The following SERPINB11 variants were observed in gnomAD, a reference collection of about 807,000 sequenced individuals.
SERPINB11 encodes serpin family B member 11.
A neutral mutation model predicts 36.7 loss-of-function variants in SERPINB11; 32 were observed. The observed-to-expected ratio is 0.87, with a 90% CI of 0.66 to 1.17. The LOEUF (loss-of-function observed/expected upper bound fraction) is 1.17. SERPINB11 is among the 50% of genes most tolerant of loss of function. The pLI, the probability that SERPINB11 is intolerant of heterozygous loss-of-function variation, is 0.00. For missense variants in SERPINB11, 528 were observed against 458.4 expected, an observed-to-expected ratio of 1.15 and a Z score of -1.39; for synonymous variants, 174 against 168.1, an observed-to-expected ratio of 1.04 and a Z score of -0.27.
intron 5 of SERPINB11, among the ~76,000 whole-genome samples, chr18:63,717,496 T>C (rs905318167): frequency 6.6e-6 from 1 of 152,062 alleles, no homozygotes; most frequent in Non-Finnish European, 1.5e-5. Context: ...AAACAAGAAA[T>C]GAGAATTTCA....
Position 63,720,919 on chromosome 18 carries a change from T to C in SERPINB11, c.707T>C (p.Leu236Pro). The C allele has an allele frequency of 6.2e-7, 1 of 1,606,862 alleles. No homozygotes were observed. The highest frequency in any genetic ancestry group is 8.5e-7 in the Non-Finnish European group (1 of 1,176,642). The change falls in exon 7 of 8, where the codon CTG becomes CCG. Residue 236 changes from leucine to proline, a missense_variant. Physicochemically the swap from Leu to Pro is moderately conservative, Grantham distance 98 (BLOSUM62 -3). Transcript: ENST00000544088. ...VKEPQMQVLE[L>P]PYVNNKLSMI... ...GAGCCGCAGATGCAAGTTCTTGAGC[T>C]GCCCTACGTTAACAACAAATTAAGC... is the stretch of plus-strand genomic sequence containing the variant.
chr18:63,712,632 C>G lies in SERPINB11; in HGVS notation c.296C>G (p.Ser99Cys), dbSNP rs747515472. The G allele has an allele frequency of 6.2e-7, 1 of 1,613,846 alleles. No individual in the cohort carries two copies. The highest frequency in any genetic ancestry group is 2.2e-5 in the East Asian group (1 of 44,874). ...TTCTCTCAAATCAACCAGCCAGACT[C>G]TAACTGTACCCTCAGCATTGCCAAC... Reference protein sequence around the residue: ...VEFSQINQPDSNCTLSIANRL... With the variant: ...VEFSQINQPDCNCTLSIANRL... Residue 99 changes from serine to cysteine, a missense_variant, in exon 4 of 8, where the codon TCT becomes TGT. By Grantham distance (112) the Ser-to-Cys change is moderately radical. Transcript: ENST00000544088.
At chr18:63,718,743 G>C (rs1914730224) in intron 5 of SERPINB11, among the ~76,000 whole-genome samples, 1 of 151,956 alleles carries the variant, frequency 6.6e-6, no homozygotes. Context: ...GCTCTCAATA[G>C]TATCTTTTTG....
intron 4 of SERPINB11, among the ~76,000 whole-genome samples, chr18:63,714,685 C>A (rs1914621200): frequency 6.6e-6 from 1 of 152,156 alleles, no homozygotes; most frequent in Non-Finnish European, 1.5e-5. Flanking sequence ...GCAGCCAGAT[C>A]TAATGGTTAT....
At chr18:63,704,449 G>A (rs1382568748) in intron 1 of SERPINB11, among the ~76,000 whole-genome samples, 1 of 152,182 alleles carries the variant, frequency 6.6e-6, no homozygotes, top group Non-Finnish European at 1.5e-5. Context: ...GAAAGCCCGT[G>A]CACTTTGGCA....
chr18:63,714,556 C>G (rs1452487314), intron 4 of SERPINB11, among the ~76,000 whole-genome samples: 1 of 152,040 alleles, frequency 6.6e-6, no homozygotes, highest in Non-Finnish European at 1.5e-5. Flanking sequence ...TCAGAGACCT[C>G]CCCCTAGGAA....
At chr18:63,710,393 C>A (rs187703060) in intron 2 of SERPINB11, 32 bp downstream of exon 2, 5 of 1,563,742 alleles carry the variant, frequency 3.2e-6, no homozygotes, top group East Asian at 2.3e-5. Context: ...TGTTCAGAAC[C>A]CAGAAGTCTT....
At chr18:63,717,467 T>A (rs139499253) in intron 5 of SERPINB11, among the ~76,000 whole-genome samples, 1,864 of 152,184 alleles carry the variant, frequency 0.012, 22 homozygotes, top group African/African-American at 0.034. Context: ...CTTAAGTGGT[T>A]GTGTCAATTT....
intron 3 of SERPINB11, 43 bp downstream of exon 3, chr18:63,711,437 G>T: frequency 7.1e-7 from 1 of 1,407,430 alleles, no homozygotes; most frequent in South Asian, 1.2e-5. Context: ...TTTAACCTAA[G>T]AGAAGGATGA....
intron 7 of SERPINB11, among the ~76,000 whole-genome samples, chr18:63,722,718 A>C (rs1277147655): frequency 2.0e-5 from 3 of 152,164 alleles, no homozygotes; most frequent in Non-Finnish European, 4.4e-5. Context: ...AGAGTGGGAG[A>C]AGTGCAGTGA....
intron 1 of SERPINB11, among the ~76,000 whole-genome samples, chr18:63,706,229 A>G (rs1914369218): frequency 6.6e-6 from 1 of 152,224 alleles, no homozygotes; most frequent in African/African-American, 2.4e-5. Context: ...ATTTTCCTAT[A>G]TAAATGTCAT....
chr18:63,716,264 A>G (rs1914665875), intron 5 of SERPINB11, 112 bp downstream of exon 5: 6 of 581,814 alleles, frequency 1.0e-5, no homozygotes, highest in Middle Eastern at 2.6e-4. Flanking sequence ...TAGGCAGATC[A>G]GCAAGAAAGG....
intron 3 of SERPINB11, among the ~76,000 whole-genome samples, chr18:63,711,685 T>C (rs1338824641): frequency 6.6e-6 from 1 of 152,184 alleles, no homozygotes; most frequent in Non-Finnish European, 1.5e-5. Context: ...CAGTTTTGTC[T>C]ATGTGGTGTT....
At chr18:63,715,072 G>T (rs867893617) in intron 4 of SERPINB11, among the ~76,000 whole-genome samples, 1 of 152,256 alleles carries the variant, frequency 6.6e-6, no homozygotes, top group South Asian at 2.1e-4. Flanking sequence ...CAGTCCCTCC[G>T]TTCGGGGTCC....
rs1212438582 is a variant in SERPINB11 at position 63,720,586 on chromosome 18, T to C, written c.619-245T>C. ...ATGTTAGCTAAAAATCCTGACTTTG[T>C]TTTTGGTAGACCAAGCTATCTCTAT... On this transcript the variant is annotated intron_variant, in intron 6 of 7. Coordinates refer to ENST00000544088, the MANE Select transcript of SERPINB11 (RefSeq NM_001370475.1). The C allele has an allele frequency of 9.7e-6, 4 of 411,964 alleles. No individual in the cohort carries two copies. In the South Asian group the frequency reaches 2.4e-4, roughly 25 times the overall value. The allele number at this position is 411,964 out of a possible 1,614,324, so 25.5% of individuals were successfully genotyped here.
At chr18:63,704,753 A>G (rs1335701823) in intron 1 of SERPINB11, among the ~76,000 whole-genome samples, 1 of 152,238 alleles carries the variant, frequency 6.6e-6, no homozygotes, top group East Asian at 1.9e-4. Context: ...TCACCCTGCA[A>G]GACTCAAGAT....
intron 5 of SERPINB11, among the ~76,000 whole-genome samples, chr18:63,718,856 A>AT (rs5825524): frequency 0.37 from 55,775 of 151,052 alleles, 11,057 homozygotes; most frequent in East Asian, 0.61. Flanking sequence ...TGAAAGGTGT[A>AT]TTTTTTTTTC....
At chr18:63,719,423 G>A (rs1464508957) in intron 5 of SERPINB11, among the ~76,000 whole-genome samples, 2 of 151,918 alleles carry the variant, frequency 1.3e-5, no homozygotes, top group Non-Finnish European at 2.9e-5. Context: ...ATTCCAAAAA[G>A]GTTTTATAAA....
rs368180689 is a variant in SERPINB11, at chr18:63,711,350, C to T, written c.184C>T (p.His62Tyr). The T allele has an allele frequency of 6.2e-7, 1 of 1,610,178 alleles. No individual in the cohort carries two copies. The highest frequency in any genetic ancestry group is 8.5e-7 in the Non-Finnish European group (1 of 1,177,352). The change falls in exon 3 of 8, where the codon CAT becomes TAT. Residue 62 changes from histidine (H) to tyrosine (Y), a missense_variant. Physicochemically the swap from His to Tyr is moderately conservative, Grantham distance 83 (BLOSUM62 2). Transcript: ENST00000544088. ...TCTTTTCTAGGTGCTTCATTTTAGTCATACTGTAGACTCATTAAAACCAGG... is the reference window on the plus strand; with the variant it reads ...TCTTTTCTAGGTGCTTCATTTTAGTTATACTGTAGACTCATTAAAACCAGG... The part of the protein sequence containing the change: ...EQLEKVLHFS[H>Y]TVDSLKPGFK...
Sources: allele counts gnomAD v4.1 joint callset (sites outside exome capture counted in the v4.1 genomes callset), GRCh38; gene constraint gnomAD v4.1.1; transcripts MANE v1.5; gene names NCBI Gene and HGNC (gene_info 2026-07-23, HGNC 2026-07-21).